The following SNX31 variants were observed in gnomAD, a reference collection of about 807,000 sequenced individuals.
SNX31 encodes the protein sorting nexin-31.
A neutral mutation model predicts 65.4 loss-of-function variants in SNX31; 58 were observed. That is an observed-to-expected ratio of 0.89 (90% confidence interval 0.72 to 1.10). The LOEUF (loss-of-function observed/expected upper bound fraction) is 1.10. SNX31 is among the 50% of genes least tolerant of loss of function. SNX31 has a pLI of 0.00. For missense variants in SNX31, 523 were observed against 529.7 expected (o/e 0.99, Z 0.12); for synonymous variants, 181 against 190.1 (o/e 0.95, Z 0.39).
At chr8:100,633,168 A>T (rs1818522010) in intron 3 of SNX31, among the ~76,000 whole-genome samples, 1 of 151,754 alleles carries the variant, frequency 6.6e-6, no homozygotes, top group Non-Finnish European at 1.5e-5. Flanking sequence ...GGCTCAAGGG[A>T]TCCTCCTGCC....
In SNX31 at chr8:100,614,064, AGTCT is replaced by A. The variant is rs756669882; in HGVS notation, c.433-983_433-980del. Among the ~76,000 whole-genome samples the A allele has an allele frequency of 1.3e-5, 2 of 152,220 alleles. No homozygotes were observed. The highest frequency in any genetic ancestry group is 1.5e-5 in the Non-Finnish European group (1 of 68,036). Reference sequence around the variant, plus strand: ...GATACATAAATTACCCCCAGGAAGCAGTCTGATTAGGTGGCTGGTATGAGTGGGT... The same window carrying A: ...GATACATAAATTACCCCCAGGAAGCAGATTAGGTGGCTGGTATGAGTGGGT... On this transcript the variant is annotated intron_variant, in intron 5 of 13. Coordinates refer to ENST00000311812, the MANE Select transcript of SNX31 (RefSeq NM_152628.4). The surrounding 1 kb of genome is among the most constrained non-coding windows in gnomAD (Gnocchi z 5.1).
upstream of SNX31, among the ~76,000 whole-genome samples, chr8:100,651,568 A>T (rs1587110608): frequency 6.6e-6 from 1 of 152,118 alleles, no homozygotes; most frequent in South Asian, 2.1e-4. Flanking sequence ...TGCATCCCTG[A>T]CCTCTGCTGT....
chr8:100,656,114 T>C (rs1563594271), intron 1 of SNX31, among the ~76,000 whole-genome samples: 1 of 152,140 alleles, frequency 6.6e-6, no homozygotes, highest in African/African-American at 2.4e-5. Context: ...CTGTTTTACA[T>C]TGTACCTGTT....
rs545437052 is a variant in SNX31, at chr8:100,578,564, C to T, written c.1171-1489G>A. 4.6e-5 allele frequency among the ~76,000 whole-genome samples: 7 copies of T among 152,046 alleles called. No homozygotes were observed. The highest frequency in any genetic ancestry group is 8.8e-5 in the Non-Finnish European group (6 of 68,004). ...AACATGACACTGCAAAAAAGCATTACCTTTCAACTATGGTTAACTTTGTTG... is the reference window on the plus strand; with the variant it reads ...AACATGACACTGCAAAAAAGCATTATCTTTCAACTATGGTTAACTTTGTTG... On this transcript the variant is annotated intron_variant, in intron 12 of 13. Coordinates refer to ENST00000311812, the MANE Select transcript of SNX31 (RefSeq NM_152628.4). The surrounding 1 kb of genome is among the most constrained non-coding windows in gnomAD (Gnocchi z 4.7).
chr8:100,611,765 AG>A (rs1368179213), intron 7 of SNX31, among the ~76,000 whole-genome samples: 2 of 152,168 alleles, frequency 1.3e-5, no homozygotes, highest in African/African-American at 4.8e-5. Context: ...TATGTTGCCC[AG>A]GCTGATCTTG....
intron 1 of SNX31, among the ~76,000 whole-genome samples, chr8:100,662,633 G>A (rs1465688466): frequency 1.3e-5 from 2 of 152,162 alleles, no homozygotes; most frequent in Non-Finnish European, 2.9e-5. Context: ...GGAGGCAGAG[G>A]TTGCAGTGAG....
intron 2 of SNX31, among the ~76,000 whole-genome samples, chr8:100,645,492 C>T (rs926436310): frequency 9.2e-5 from 14 of 151,818 alleles, no homozygotes; most frequent in African/African-American, 3.4e-4. Flanking sequence ...TCAAGTGGTG[C>T]ATGGGGCATA....
At chr8:100,645,370 T>G (rs1004630127) in intron 2 of SNX31, among the ~76,000 whole-genome samples, 2 of 152,110 alleles carry the variant, frequency 1.3e-5, no homozygotes, top group Non-Finnish European at 2.9e-5. Context: ...CATCCTCCAC[T>G]GAATAGGAGA....
chr8:100,652,241 G>A (rs1819988112), upstream of SNX31, among the ~76,000 whole-genome samples: 1 of 152,332 alleles, frequency 6.6e-6, no homozygotes, highest in South Asian at 2.1e-4. Context: ...GCCTCCCAAA[G>A]TCGTGGGATT....
At position 100,636,075 on chromosome 8, in the gene SNX31, T is replaced by C. The variant is rs1023078520; in HGVS notation, c.142-64A>G. 6 of 1,229,028 alleles carry C rather than the reference T, an allele frequency of 4.9e-6. No individual in the cohort carries two copies. In the African/African-American group the frequency reaches 7.4e-5, roughly 15 times the overall value. 76.1% of individuals were successfully genotyped at this position (1,229,028 alleles called of 1,614,324 possible). A position where few individuals can be genotyped will look rare whatever the true frequency, so the allele number is the denominator to read the frequency against. ...GCCAGTTCAGGGTTGATGAGATTAC[T>C]AAAGTCTCCTTTAGGGCAAGTCCCA... On this transcript the variant is annotated intron_variant, in intron 2 of 13. Coordinates refer to ENST00000311812, the MANE Select transcript of SNX31 (RefSeq NM_152628.4).
chr8:100,583,549 T>C (rs1255847539), intron 12 of SNX31, among the ~76,000 whole-genome samples: 1 of 152,226 alleles, frequency 6.6e-6, no homozygotes, highest in Non-Finnish European at 1.5e-5. Flanking sequence ...TTTGATGAGT[T>C]ACTAGGCCTT....
intron 2 of SNX31, among the ~76,000 whole-genome samples, chr8:100,646,184 G>A (rs901991878): frequency 1.9e-4 from 29 of 152,234 alleles, no homozygotes; most frequent in African/African-American, 7.0e-4. Context: ...ACTAACATGC[G>A]CGGGAGTCTT....
chr8:100,611,918 G>A (rs773588867), intron 7 of SNX31, 82 bp downstream of exon 7: 2 of 1,056,188 alleles, frequency 1.9e-6, no homozygotes, highest in South Asian at 1.3e-5. Flanking sequence ...CTATGAGCAG[G>A]ATGTGACGGG....
intron 8 of SNX31, among the ~76,000 whole-genome samples, chr8:100,601,926 C>T (rs1330507846): frequency 2.0e-5 from 3 of 152,226 alleles, no homozygotes; most frequent in Non-Finnish European, 4.4e-5. Context: ...CTCTTTCTCT[C>T]TCCTCTTGGC....
At chr8:100,617,815 A>G (rs914003285) in intron 4 of SNX31, 85 bp from the exon 5 acceptor site, 1 of 1,071,580 alleles carries the variant, frequency 9.3e-7, no homozygotes, top group Non-Finnish European at 1.4e-6. Context: ...CCCAGGCTGG[A>G]GTGCAATGGC....
intron 8 of SNX31, among the ~76,000 whole-genome samples, 153 bp downstream of exon 8, chr8:100,608,341 C>A (rs981308939): frequency 6.6e-6 from 1 of 152,158 alleles, no homozygotes; most frequent in Admixed American, 6.5e-5. Context: ...CCCCCACAGC[C>A]CCTGGTAATC....
chr8:100,602,305 G>T (rs1347716024), intron 8 of SNX31, among the ~76,000 whole-genome samples: 1 of 152,126 alleles, frequency 6.6e-6, no homozygotes, highest in Non-Finnish European at 1.5e-5. Flanking sequence ...TGCTGTTTAG[G>T]CTGGGGGAAA....
intron 2 of SNX31, among the ~76,000 whole-genome samples, chr8:100,643,076 AGGTACCC>A (rs1372458542): frequency 1.4e-5 from 2 of 147,830 alleles, no homozygotes; most frequent in African/African-American, 5.1e-5. Flanking sequence ...TTGTAATCCC[AGGTACCC>A]GGGAGGCTGA....
intron 3 of SNX31, among the ~76,000 whole-genome samples, chr8:100,633,719 G>C (rs2131201485): frequency 6.6e-6 from 1 of 151,936 alleles, no homozygotes; most frequent in Admixed American, 6.6e-5. Flanking sequence ...ATTCAAGTGA[G>C]TCTAAAAAAA....
Sources: allele counts gnomAD v4.1 joint callset (sites outside exome capture counted in the v4.1 genomes callset), GRCh38; gene constraint gnomAD v4.1.1; non-coding constraint Gnocchi (gnomAD v3.1); transcripts MANE v1.5; gene names NCBI Gene and HGNC (gene_info 2026-07-23, HGNC 2026-07-21).